Variants in FNTB observed in about 807,000 individuals in gnomAD.
FNTB encodes farnesyltransferase, CAAX box, subunit beta.
FNTB carries 27 observed loss-of-function variants against 59.4 expected under a neutral mutation model. The ratio of observed to expected loss-of-function variants is 0.45; its 90% CI spans 0.34 to 0.63. The LOEUF (loss-of-function observed/expected upper bound fraction) is 0.63. Ranked by LOEUF, FNTB falls within the 20% of genes least tolerant of loss-of-function variation. The probability of loss-of-function intolerance (pLI) is 0.02; values close to 1 mark genes in which losing one functional copy is unlikely to be tolerated. For synonymous variants in FNTB, 230 were observed against 220.7 expected (o/e 1.04, Z -0.37); for missense variants, 449 against 559.6 (o/e 0.80, Z 1.99).
chr14:65,059,844 T>C (rs1282794019), intron 11 of FNTB, among the ~76,000 whole-genome samples: 1 of 150,250 alleles, frequency 6.7e-6, no homozygotes, highest in African/African-American at 2.4e-5. Flanking sequence ...TTTCTTTTTT[T>C]TTTTTTTTTG....
At chr14:65,005,486 TTTCTTTC>T (rs1372635192) in intron 2 of FNTB, among the ~76,000 whole-genome samples, 1 of 137,630 alleles carries the variant, frequency 7.3e-6, no homozygotes, top group Non-Finnish European at 1.5e-5. Flanking sequence ...TCTTTCTTTC[TTTCTTTC>T]TTTCTTTCTT....
Position 65,009,185 on chromosome 14 carries a change from G to T in FNTB, c.210-3132G>T, listed in dbSNP as rs1301145739. Among the ~76,000 whole-genome samples, 1 of 152,176 alleles carries T rather than the reference G, an allele frequency of 6.6e-6. No individual in the cohort carries two copies. Among genetic ancestry groups the T allele is most frequent in the Non-Finnish European group, 1.5e-5 (1 of 68,028 alleles). ...GTGAGGGTATTAGTCAGCTTGGGCTGCCATAAGACGGTATCACAGATGGGG... is the reference window on the plus strand; with the variant it reads ...GTGAGGGTATTAGTCAGCTTGGGCTTCCATAAGACGGTATCACAGATGGGG... On this transcript the variant is annotated intron_variant, in intron 2 of 11. Transcript: ENST00000246166. The surrounding 1 kb of genome is among the most constrained non-coding windows in gnomAD (Gnocchi z 4.2).
At position 65,011,019 on chromosome 14, in the gene FNTB, C is replaced by A. The variant is rs970447532; in HGVS notation, c.210-1298C>A. Among the ~76,000 whole-genome samples, 2 of 149,674 alleles carry A rather than the reference C, an allele frequency of 1.3e-5. No homozygotes were observed. The highest frequency in any genetic ancestry group is 4.9e-5 in the African/African-American group (2 of 40,462). ...GATCATTCCTTTCTTCATGAGATAT[C>A]CCCTCCCTTTTGAGCCTCAGTAGTA... On this transcript the variant is annotated intron_variant, in intron 2 of 11. Coordinates refer to ENST00000246166, the MANE Select transcript of FNTB (RefSeq NM_002028.4). The surrounding 1 kb of genome is among the most constrained non-coding windows in gnomAD (Gnocchi z 4.0).
intron 4 of FNTB, among the ~76,000 whole-genome samples, chr14:65,024,064 T>C (rs2061936165): frequency 6.7e-6 from 1 of 149,636 alleles, no homozygotes; most frequent in Admixed American, 6.7e-5. Flanking sequence ...ATCGCTCAAC[T>C]GCACTCCAGC....
rs2062865303 is a variant in FNTB at position 65,061,529 on chromosome 14, A to C, written c.*217A>C. ...TCTTTCCACACCTGTCAAACCAAAA[A>C]TCTATCAGCCCACGTGGTGTGGTTG... On this transcript the variant is annotated 3_prime_UTR_variant, in exon 12 of 12. Transcript: ENST00000246166. 2.9e-6 allele frequency: 2 copies of C among 698,184 alleles called. No homozygotes were observed. The highest frequency in any genetic ancestry group is 2.2e-6 in the Non-Finnish European group (1 of 452,948). The allele number at this position is 698,184 out of a possible 1,614,324, so 43.2% of individuals were successfully genotyped here. A position where few individuals can be genotyped will look rare whatever the true frequency, so the allele number is the denominator to read the frequency against.
At chr14:65,058,733 A>T (rs1014387076) in intron 11 of FNTB, among the ~76,000 whole-genome samples, 17 of 152,164 alleles carry the variant, frequency 1.1e-4, no homozygotes, top group Admixed American at 9.8e-4. Context: ...CTTCTTTAAT[A>T]TGATATGTTT....
intron 9 of FNTB, among the ~76,000 whole-genome samples, chr14:65,051,396 A>G (rs2062605682): frequency 6.6e-6 from 1 of 152,198 alleles, no homozygotes; most frequent in African/African-American, 2.4e-5. Context: ...GGGTCACCTG[A>G]GGTCAGGAGT....
chr14:65,058,205 C>G (rs972762118), intron 11 of FNTB, among the ~76,000 whole-genome samples: 22 of 116,208 alleles, frequency 1.9e-4, no homozygotes, highest in African/African-American at 9.2e-4. Flanking sequence ...TTTTTCTTTT[C>G]TTTAATGTCT....
Position 65,061,776 on chromosome 14 carries a change from C to A in FNTB, c.*464C>A. The A allele has an allele frequency of 6.3e-6, 1 of 158,574 alleles. No homozygotes were observed. The highest frequency in any genetic ancestry group is 1.4e-5 in the Non-Finnish European group (1 of 71,274). 9.8% of individuals were successfully genotyped at this position (158,574 alleles called of 1,614,324 possible). A position where few individuals can be genotyped will look rare whatever the true frequency, so the allele number is the denominator to read the frequency against. ...TTTGGGTCCCACCAAGATGAGTTCT[C>A]TGTAAGACTGTGGTGGAGTTGCACC... is the stretch of plus-strand genomic sequence containing the variant. On this transcript the variant is annotated 3_prime_UTR_variant, in exon 12 of 12. Coordinates refer to ENST00000246166, the MANE Select transcript of FNTB (RefSeq NM_002028.4).
At chr14:65,017,509 A>G (rs1439437951) in intron 4 of FNTB, among the ~76,000 whole-genome samples, 2 of 152,116 alleles carry the variant, frequency 1.3e-5, no homozygotes, top group East Asian at 1.9e-4. Flanking sequence ...TAGGCTGTGT[A>G]CTTGGTGTTT....
intron 11 of FNTB, among the ~76,000 whole-genome samples, chr14:65,055,624 C>A (rs2139682078): frequency 6.6e-6 from 1 of 152,136 alleles, no homozygotes; most frequent in Non-Finnish European, 1.5e-5. Flanking sequence ...TCAAGCAATT[C>A]TCGTGCCTCA....
intron 11 of FNTB, among the ~76,000 whole-genome samples, chr14:65,059,063 C>G (rs2062805216): frequency 6.6e-6 from 1 of 152,096 alleles, no homozygotes; most frequent in African/African-American, 2.4e-5. Context: ...CACTCTGTCA[C>G]TCATGCTGGA....
chr14:64,988,732 C>T (rs1888060323), intron 1 of FNTB, among the ~76,000 whole-genome samples: 1 of 152,052 alleles, frequency 6.6e-6, no homozygotes, highest in South Asian at 2.1e-4. Flanking sequence ...GCTCCTGGTG[C>T]GAGTATCTTT....
intron 10 of FNTB, among the ~76,000 whole-genome samples, chr14:65,053,883 C>A (rs1595098198): frequency 1.3e-5 from 2 of 152,152 alleles, no homozygotes; most frequent in African/African-American, 4.8e-5. Context: ...CCTGGTCCCA[C>A]AATGTATCAG....
intron 2 of FNTB, chr14:65,006,251 A>G (rs748529380): frequency 6.2e-7 from 1 of 1,613,846 alleles, no homozygotes; most frequent in Middle Eastern, 1.7e-4. Flanking sequence ...TCATAAGGAA[A>G]GACAGGTGGG....
chr14:65,018,379 A>G (rs2061819552), intron 4 of FNTB, among the ~76,000 whole-genome samples: 1 of 152,238 alleles, frequency 6.6e-6, no homozygotes, highest in African/African-American at 2.4e-5. Flanking sequence ...ATGTATTTAT[A>G]TAGAGAGATG....
At chr14:65,035,393 C>G (rs1198587827) in intron 7 of FNTB, among the ~76,000 whole-genome samples, 7 of 152,170 alleles carry the variant, frequency 4.6e-5, no homozygotes, top group Admixed American at 1.3e-4. Context: ...GTATTTTGTT[C>G]AGTGTACAGC....
Position 65,011,698 on chromosome 14 carries a change from C to CA in FNTB, c.210-618dup, listed in dbSNP as rs1164543722. Reference sequence around the variant, plus strand: ...CCTGTGCAGGTGGCCATGGGCGGCACATTCCATCTTAAAGCCAGTATTGCT... The same window carrying CA: ...CCTGTGCAGGTGGCCATGGGCGGCACAATTCCATCTTAAAGCCAGTATTGCT... On this transcript the variant is annotated intron_variant, in intron 2 of 11. Transcript: ENST00000246166. This position sits in a 1 kb window ranked among gnomAD's most constrained non-coding sequence, Gnocchi z 4.0. Among the ~76,000 whole-genome samples, 1 of 152,204 alleles carries CA rather than the reference C, an allele frequency of 6.6e-6. No homozygotes were observed. Among genetic ancestry groups the CA allele is most frequent in the Admixed American group, 6.5e-5 (1 of 15,280 alleles).
At chr14:65,017,133 G>C (rs1191993345) in intron 4 of FNTB, among the ~76,000 whole-genome samples, 1 of 152,044 alleles carries the variant, frequency 6.6e-6, no homozygotes, top group Non-Finnish European at 1.5e-5. Flanking sequence ...ATATTGACCA[G>C]GCTGGTCTTG....
Sources: allele counts gnomAD v4.1 joint callset (sites outside exome capture counted in the v4.1 genomes callset), GRCh38; gene constraint gnomAD v4.1.1; non-coding constraint Gnocchi (gnomAD v3.1); transcripts MANE v1.5; gene names NCBI Gene and HGNC (gene_info 2026-07-23, HGNC 2026-07-21).